Variants in PKHD1L1 observed in about 807,000 individuals in gnomAD.
PKHD1L1 encodes fibrocystin-L.
In PKHD1L1, 434 loss-of-function variants were observed where a neutral mutation model predicts 462.9. The ratio of observed to expected loss-of-function variants is 0.94; its 90% CI spans 0.87 to 1.02. The LOEUF is 1.02. Ranked by LOEUF, PKHD1L1 falls within the 50% of genes least tolerant of loss-of-function variation. The pLI is 0.00. For missense variants in PKHD1L1, 5,202 were observed against 5,096.1 expected, an observed-to-expected ratio of 1.02 and a Z score of -0.63; for synonymous variants, 1,781 against 1,750.0, an observed-to-expected ratio of 1.02 and a Z score of -0.44.
chr8:109,486,373 C>T (rs1202351154), intron 58 of PKHD1L1, among the ~76,000 whole-genome samples: 1 of 151,940 alleles, frequency 6.6e-6, no homozygotes, highest in Admixed American at 6.6e-5. Context: ...TATATACTAC[C>T]TTCAAGATTT....
intron 1 of PKHD1L1, 100 bp downstream of exon 1, chr8:109,362,753 G>A (rs1811044534): frequency 7.5e-7 from 1 of 1,328,796 alleles, no homozygotes; most frequent in Non-Finnish European, 1.1e-6. Flanking sequence ...CCTGGCACCT[G>A]GCTGAGGCTG....
chr8:109,497,393 G>A lies in PKHD1L1; in HGVS notation c.10599+121G>A, dbSNP rs191725553. Reference sequence around the variant, plus strand: ...ATCTCTGTCTCGCCCACACCTCCCTGCCTTTGTTCCCACTGCCCTCTGCCT... The same window carrying A: ...ATCTCTGTCTCGCCCACACCTCCCTACCTTTGTTCCCACTGCCCTCTGCCT... On this transcript the variant is annotated intron_variant, in intron 65 of 77. Coordinates refer to ENST00000378402, the MANE Select transcript of PKHD1L1 (RefSeq NM_177531.6). The A allele has an allele frequency of 1.9e-4, 224 of 1,170,452 alleles. 1 individual carries two copies. In the African/African-American group the frequency reaches 2.3e-3, roughly 12 times the overall value. The allele number at this position is 1,170,452 out of a possible 1,614,324, so 72.5% of individuals were successfully genotyped here.
rs1563555576 is a variant in PKHD1L1 at position 109,448,398 on chromosome 8, A to G, written c.6025+7A>G. On this transcript the variant is annotated splice_region_variant and intron_variant, in intron 39 of 77. Transcript: ENST00000378402. The stretch of plus-strand genomic sequence containing the variant: ...AATATTAATCCAAGCCAAGGTAGTC[A>G]TAAGTATGCAAGAACCTGCAGATAT... The G allele has an allele frequency of 6.2e-7, 1 of 1,601,972 alleles. No homozygotes were observed.
chr8:109,362,781 C>G, intron 1 of PKHD1L1, 128 bp downstream of exon 1: 1 of 997,888 alleles, frequency 1.0e-6, no homozygotes. Flanking sequence ...GGTTGCATGA[C>G]GATCCTGGGG....
intron 46 of PKHD1L1, 95 bp downstream of exon 46, chr8:109,456,486 T>C: frequency 8.1e-7 from 1 of 1,229,808 alleles, no homozygotes; most frequent in Non-Finnish European, 1.1e-6. Context: ...GACTATTTGG[T>C]TTAAACTTGA....
Position 109,438,456 on chromosome 8 carries a change from G to A in PKHD1L1, c.3760G>A (p.Gly1254Arg). 1.3e-6 allele frequency: 2 copies of A among 1,531,804 alleles called. No individual in the cohort carries two copies. Among genetic ancestry groups the A allele is most frequent in the Non-Finnish European group, 1.8e-6 (2 of 1,138,390 alleles). The allele number at this position is 1,531,804 out of a possible 1,614,324, so 94.9% of individuals were successfully genotyped here. ...TAGTCCAAAAGTACGAACAATACTAGGTAAGAAATTCTTCAATAAGATTGG... is the reference window on the plus strand; with the variant it reads ...TAGTCCAAAAGTACGAACAATACTAAGTAAGAAATTCTTCAATAAGATTGG... ...DFSPKVRTILGEVNLTIKGYN... is the reference protein window; with the variant it reads ...DFSPKVRTILREVNLTIKGYN... Residue 1254 changes from glycine (G) to arginine (R), a missense_variant and splice_region_variant, in exon 31 of 78, where the codon GGA becomes AGA. Physicochemically the swap from Gly to Arg is moderately radical, Grantham distance 125 (BLOSUM62 -2). Transcript: ENST00000378402.
intron 65 of PKHD1L1, among the ~76,000 whole-genome samples, chr8:109,497,865 T>C (rs894359885): frequency 6.6e-6 from 1 of 152,166 alleles, no homozygotes. Flanking sequence ...CTTCCTCCAC[T>C]TTTTTGTGCC....
intron 32 of PKHD1L1, 79 bp from the exon 33 acceptor site, chr8:109,440,631 G>C: frequency 7.8e-7 from 1 of 1,285,616 alleles, no homozygotes; most frequent in East Asian, 2.4e-5. Context: ...TCTTTCTAAA[G>C]AAGTCATATC....
rs755229963 is a variant in PKHD1L1, at chr8:109,452,776, A to T, written c.6566A>T (p.Lys2189Ile). The T allele has an allele frequency of 9.8e-6, 15 of 1,532,948 alleles. No individual in the cohort carries two copies. The South Asian group carries it at 1.3e-4, about 13-fold the overall frequency. 95.0% of individuals were successfully genotyped at this position (1,532,948 alleles called of 1,614,324 possible). ...AWSSNFSWGG[K>I]SPPEEGSLVV... ...TCCTCCAATTTCTCATGGGGGGGAA[A>T]ATCTCCCCCAGAAGAAGGATCTCTT... The change falls in exon 43 of 78, where the codon AAA (lysine) becomes ATA (isoleucine). Residue 2189 changes from lysine to isoleucine, a missense_variant. Transcript: ENST00000378402.
chr8:109,445,014 C>T lies in PKHD1L1; in HGVS notation c.5145C>T (p.Ser1715=), dbSNP rs1586528859. Reference sequence around the variant, plus strand: ...ATACGGCCATTGAATGTGAAACATCCCCTGCTGCCCAACAGCTTGTGGATG... The same window carrying T: ...ATACGGCCATTGAATGTGAAACATCTCCTGCTGCCCAACAGCTTGTGGATG... ...VNYTAIECET[S]PAAQQLVDVD... The change falls in exon 38 of 78, where the codon TCC becomes TCT. Residue 1715 remains serine (S), a synonymous_variant. Transcript: ENST00000378402. The T allele has an allele frequency of 6.2e-7, 1 of 1,613,896 alleles. No homozygotes were observed. The highest frequency in any genetic ancestry group is 8.5e-7 in the Non-Finnish European group (1 of 1,179,876).
chr8:109,479,699 A>T, intron 54 of PKHD1L1, 60 bp downstream of exon 54: 1 of 1,170,824 alleles, frequency 8.5e-7, no homozygotes, highest in Non-Finnish European at 1.2e-6. Flanking sequence ...ACACTATGGC[A>T]GGGTAGATGT....
chr8:109,392,769 T>TC (rs1812774178), intron 9 of PKHD1L1, among the ~76,000 whole-genome samples: 1 of 152,300 alleles, frequency 6.6e-6, no homozygotes, highest in African/African-American at 2.4e-5. Context: ...AATTCATATT[T>TC]CACAAATTTC....
Position 109,409,852 on chromosome 8 carries a change from A to T in PKHD1L1, c.1972-13A>T. ...ATGAAAAGAAGTTACTAATGTTTAT[A>T]TTGTTAATTTAGTTTCAGGGAGCAG... On this transcript the variant is annotated splice_polypyrimidine_tract_variant and intron_variant, in intron 18 of 77. Coordinates refer to ENST00000378402, the MANE Select transcript of PKHD1L1 (RefSeq NM_177531.6). The T allele has an allele frequency of 1.4e-6, 2 of 1,480,822 alleles. No homozygotes were observed. 91.7% of individuals were successfully genotyped at this position (1,480,822 alleles called of 1,614,324 possible).
chr8:109,442,282 T>A, intron 35 of PKHD1L1, 87 bp downstream of exon 35: 1 of 1,256,242 alleles, frequency 8.0e-7, no homozygotes, highest in Non-Finnish European at 1.1e-6. Context: ...AATACAGTAT[T>A]TTTACATAAA....
At chr8:109,421,269 A>AG (rs1172334363) in intron 23 of PKHD1L1, among the ~76,000 whole-genome samples, 2 of 152,072 alleles carry the variant, frequency 1.3e-5, no homozygotes, top group African/African-American at 4.8e-5. Flanking sequence ...AATAAGCTCA[A>AG]GATTAAAGAT....
chr8:109,408,317 C>T, intron 18 of PKHD1L1, 111 bp downstream of exon 18: 1 of 993,718 alleles, frequency 1.0e-6, no homozygotes, highest in Non-Finnish European at 1.4e-6. Flanking sequence ...AAAATCACTG[C>T]AAATTATTTA....
At position 109,451,155 on chromosome 8, in the gene PKHD1L1, G is replaced by A. The variant is rs550968752; in HGVS notation, c.6350+6G>A. 1 of 1,595,310 alleles carries A rather than the reference G, an allele frequency of 6.3e-7. No homozygotes were observed. Among genetic ancestry groups the A allele is most frequent in the Non-Finnish European group, 8.6e-7 (1 of 1,168,168 alleles). ...GTCGTGGGATCAGGATTCAGGTACT[G>A]TCTCCACACAAACACGCATCATTGT... is the stretch of plus-strand genomic sequence containing the variant. On this transcript the variant is annotated splice_donor_region_variant and intron_variant, in intron 41 of 77. Transcript: ENST00000378402.
In PKHD1L1 at chr8:109,385,275, A is replaced by G. The variant is rs146988741; in HGVS notation, c.476-262A>G. Among the ~76,000 whole-genome samples, 958 of 145,220 alleles carry G rather than the reference A, an allele frequency of 6.6e-3. 6 individuals carry two copies. The highest frequency in any genetic ancestry group is 0.053 in the Middle Eastern group (15 of 284). On this transcript the variant is annotated intron_variant, in intron 5 of 77. Coordinates refer to ENST00000378402, the MANE Select transcript of PKHD1L1 (RefSeq NM_177531.6). ...TTTTTTTTTTTTTTCTCAAATAGTC[A>G]CCGATTGACCCAAGCTGTACTTGTG...
Position 109,518,163 on chromosome 8 carries a change from A to G in PKHD1L1, c.11690-4A>G. 3 of 1,543,004 alleles carry G rather than the reference A, an allele frequency of 1.9e-6. No homozygotes were observed. The highest frequency in any genetic ancestry group is 2.7e-6 in the Non-Finnish European group (3 of 1,126,006). On this transcript the variant is annotated splice_polypyrimidine_tract_variant and splice_region_variant and intron_variant, in intron 72 of 77. Coordinates refer to ENST00000378402, the MANE Select transcript of PKHD1L1 (RefSeq NM_177531.6). Reference sequence around the variant, plus strand: ...TGTGATGTTCTGGCTTTTTTCCTTCATAGACCAATTCCTTCCTAACCTGGA... The same window carrying G: ...TGTGATGTTCTGGCTTTTTTCCTTCGTAGACCAATTCCTTCCTAACCTGGA...
Sources: gnomAD v4.1 joint callset for allele counts (sites outside exome capture counted in the v4.1 genomes callset) on GRCh38, gnomAD v4.1.1 for gene constraint, MANE v1.5 for transcripts, NCBI Gene and HGNC (gene_info 2026-07-23, HGNC 2026-07-21) for gene names.